The following CDS1 variants were observed in gnomAD, a reference collection of about 807,000 sequenced individuals.
CDS1 encodes phosphatidate cytidylyltransferase 1.
In CDS1, 41 loss-of-function variants were observed where a neutral mutation model predicts 62.1. That is an observed-to-expected ratio of 0.66 (90% CI 0.51 to 0.86). The LOEUF is 0.86. CDS1 is among the 40% of genes least tolerant of loss of function. CDS1 has a pLI of 0.00. For synonymous variants in CDS1, 185 were observed against 192.6 expected (o/e 0.96, Z 0.32); for missense variants, 470 against 550.1 (o/e 0.85, Z 1.46).
chr4:84,613,797 A>C (rs1401721148), intron 3 of CDS1, among the ~76,000 whole-genome samples: 1 of 152,186 alleles, frequency 6.6e-6, no homozygotes, highest in Non-Finnish European at 1.5e-5. Flanking sequence ...AACATATAGA[A>C]GATATTGAAA....
In CDS1 at chr4:84,648,769, T is replaced by C. The variant is rs1578059838; in HGVS notation, c.*83T>C. On this transcript the variant is annotated 3_prime_UTR_variant, in exon 13 of 13. Transcript: ENST00000295887. ...ATGTTTTATAAATTGTACAGAAAAA[T>C]AGTTAAAAATGCAATAGGTTGAAGT... 3 of 1,380,664 alleles carry C rather than the reference T, an allele frequency of 2.2e-6. No homozygotes were observed. The highest frequency in any genetic ancestry group is 2.4e-5 in the East Asian group (1 of 42,074). 85.5% of individuals were successfully genotyped at this position (1,380,664 alleles called of 1,614,324 possible). A position where few individuals can be genotyped will look rare whatever the true frequency, so the allele number is the denominator to read the frequency against.
chr4:84,620,017 C>G lies in CDS1; in HGVS notation c.580+484C>G, dbSNP rs1471574439. Among the ~76,000 whole-genome samples the G allele has an allele frequency of 1.1e-4, 12 of 108,248 alleles. No individual in the cohort carries two copies. In the South Asian group the frequency reaches 1.1e-3, roughly 10 times the overall value. The allele number at this position is 108,248 out of a possible 152,430, so 71.0% of individuals were successfully genotyped here. ...ATTGCACTCCAGCCTGGGCAAAACT[C>G]TTATCTAAAAAAAAAAAAAAAAAAG... On this transcript the variant is annotated intron_variant, in intron 5 of 12. Coordinates refer to ENST00000295887, the MANE Select transcript of CDS1 (RefSeq NM_001263.4).
intron 5 of CDS1, among the ~76,000 whole-genome samples, chr4:84,623,272 T>C (rs1300230650): frequency 6.6e-6 from 1 of 152,218 alleles, no homozygotes; most frequent in African/African-American, 2.4e-5. Flanking sequence ...TAGTTTCTTA[T>C]GAAATGATGT....
Position 84,604,341 on chromosome 4 carries a change from C to G in CDS1, c.216C>G (p.Leu72=), listed in dbSNP as rs1254426284. The part of the protein sequence containing the change: ...PPSSDRTPEI[L]KKALSGLSSR... The stretch of plus-strand genomic sequence containing the variant: ...CCTCAGATAGAACCCCTGAGATTCT[C>G]AAAAAAGCTCTATCTGGTTTATCTT... The change falls in exon 2 of 13, where the codon CTC becomes CTG. Residue 72 remains leucine (L), a synonymous_variant. Transcript: ENST00000295887. The G allele has an allele frequency of 5.0e-6, 8 of 1,612,602 alleles. No homozygotes were observed. Among genetic ancestry groups the G allele is most frequent in the Non-Finnish European group, 5.9e-6 (7 of 1,179,272 alleles).
At chr4:84,638,861 A>G (rs1578052570) in intron 8 of CDS1, 63 bp from the exon 9 acceptor site, 1 of 433,872 alleles carries the variant, frequency 2.3e-6, no homozygotes, top group East Asian at 4.3e-5. Context: ...ATATATATAT[A>G]TATATATATT....
intron 1 of CDS1, among the ~76,000 whole-genome samples, chr4:84,593,286 A>G: frequency 6.6e-6 from 1 of 152,160 alleles, no homozygotes; most frequent in Non-Finnish European, 1.5e-5. Flanking sequence ...CAAGAAGATA[A>G]GGATACTAGC....
At chr4:84,608,854 G>A (rs1013479887) in intron 2 of CDS1, among the ~76,000 whole-genome samples, 7 of 151,828 alleles carry the variant, frequency 4.6e-5, no homozygotes, top group Non-Finnish European at 8.8e-5. Context: ...CTAACCTCAC[G>A]GTTTATTCCC....
chr4:84,643,371 A>G (rs1038053226), intron 11 of CDS1, among the ~76,000 whole-genome samples: 2 of 152,192 alleles, frequency 1.3e-5, no homozygotes, highest in Admixed American at 6.5e-5. Flanking sequence ...AGCTTCCTTT[A>G]TAGACATGGC....
intron 4 of CDS1, among the ~76,000 whole-genome samples, chr4:84,618,080 G>A (rs564014402): frequency 6.6e-6 from 1 of 151,992 alleles, no homozygotes; most frequent in African/African-American, 2.4e-5. Flanking sequence ...TGCACATAAA[G>A]TTAGTAACAA....
At chr4:84,648,112 A>G (rs2148662902) in intron 12 of CDS1, among the ~76,000 whole-genome samples, 1 of 152,296 alleles carries the variant, frequency 6.6e-6, no homozygotes, top group South Asian at 2.1e-4. Context: ...TTTTTCAACA[A>G]AATACCTTTC....
chr4:84,586,637 GC>G, intron 1 of CDS1, among the ~76,000 whole-genome samples: 1 of 152,212 alleles, frequency 6.6e-6, no homozygotes, highest in Middle Eastern at 3.2e-3. Flanking sequence ...TTCCCAACAG[GC>G]CCAGTTCCTA....
At chr4:84,591,130 A>G (rs1459652328) in intron 1 of CDS1, among the ~76,000 whole-genome samples, 1 of 152,224 alleles carries the variant, frequency 6.6e-6, no homozygotes, top group East Asian at 1.9e-4. Context: ...AAAAGTATGA[A>G]GAAAAATTAA....
intron 3 of CDS1, among the ~76,000 whole-genome samples, chr4:84,613,238 G>A (rs1377169858): frequency 6.6e-6 from 1 of 151,932 alleles, no homozygotes; most frequent in African/African-American, 2.4e-5. Context: ...ATTTTGAGAA[G>A]GACATGTTGT....
intron 5 of CDS1, among the ~76,000 whole-genome samples, chr4:84,629,675 T>C (rs1011255139): frequency 6.6e-6 from 1 of 152,164 alleles, no homozygotes; most frequent in South Asian, 2.1e-4. Context: ...GAAAACACTT[T>C]ATACCTCCCC....
At chr4:84,636,589 A>G (rs191713564) in intron 8 of CDS1, among the ~76,000 whole-genome samples, 1 of 152,264 alleles carries the variant, frequency 6.6e-6, no homozygotes, top group Admixed American at 6.5e-5. Context: ...CAGTGGCGCA[A>G]TCTGGGTTCA....
intron 7 of CDS1, 101 bp downstream of exon 7, chr4:84,634,040 TTTG>T (rs1724103660): frequency 3.3e-6 from 2 of 603,412 alleles, no homozygotes; most frequent in Non-Finnish European, 5.5e-6. Context: ...AAATGTACTG[TTTG>T]TTGTTCTTAT....
At chr4:84,600,714 A>G (rs1271560799) in intron 1 of CDS1, among the ~76,000 whole-genome samples, 1 of 152,186 alleles carries the variant, frequency 6.6e-6, no homozygotes. Flanking sequence ...AAAACAGGTA[A>G]TATAAGTCCT....
At chr4:84,596,332 A>G (rs1244275021) in intron 1 of CDS1, among the ~76,000 whole-genome samples, 1 of 152,204 alleles carries the variant, frequency 6.6e-6, no homozygotes, top group Non-Finnish European at 1.5e-5. Flanking sequence ...GAAGTCCAAA[A>G]TGGGTCTCCC....
At chr4:84,633,354 T>TA (rs1331696029) in intron 6 of CDS1, among the ~76,000 whole-genome samples, 1 of 152,220 alleles carries the variant, frequency 6.6e-6, no homozygotes, top group Admixed American at 6.5e-5. Flanking sequence ...GTATGAAAGA[T>TA]AGAGTTTAAG....
Sources: allele counts gnomAD v4.1 joint callset (sites outside exome capture counted in the v4.1 genomes callset), GRCh38; gene constraint gnomAD v4.1.1; transcripts MANE v1.5; gene names NCBI Gene and HGNC (gene_info 2026-07-23, HGNC 2026-07-21).